The following NKIRAS1 variants were observed in gnomAD, a reference collection of about 807,000 sequenced individuals.
The protein encoded by NKIRAS1 is NFKB inhibitor interacting Ras like 1, also known as NF-kappa-B inhibitor-interacting Ras-like protein 1.
Under a neutral mutation model 19.8 loss-of-function variants are expected in NKIRAS1, and 16 were observed. That is an observed-to-expected ratio of 0.81 (90% CI 0.55 to 1.23). The LOEUF (loss-of-function observed/expected upper bound fraction) is 1.23, where lower values mean the gene tolerates loss of function less well. NKIRAS1 is among the 50% of genes most tolerant of loss of function. NKIRAS1 has a pLI of 0.00. For missense variants in NKIRAS1, 184 were observed against 220.0 expected, an observed-to-expected ratio of 0.84 and a Z score of 1.04; for synonymous variants, 88 against 79.0, an observed-to-expected ratio of 1.11 and a Z score of -0.61.
At chr3:23,905,678 AG>A (rs1429867900) in intron 3 of NKIRAS1, among the ~76,000 whole-genome samples, 1 of 152,134 alleles carries the variant, frequency 6.6e-6, no homozygotes, top group African/African-American at 2.4e-5. Context: ...TCAATTCGGA[AG>A]CCCCAGGGTC....
intron 3 of NKIRAS1, among the ~76,000 whole-genome samples, chr3:23,903,217 G>A (rs1163360572): frequency 2.0e-5 from 3 of 152,130 alleles, no homozygotes; most frequent in Admixed American, 1.3e-4. Flanking sequence ...GGGCTCAAGC[G>A]ATCCTCCCAC....
intron 1 of NKIRAS1, among the ~76,000 whole-genome samples, chr3:23,912,927 G>T (rs1365230052): frequency 2.0e-5 from 3 of 151,068 alleles, no homozygotes; most frequent in Non-Finnish European, 4.4e-5. Flanking sequence ...GACCATCCTG[G>T]CTAACATGGT....
chr3:23,890,677 A>C lies in NKIRAS1; in HGVS notation c.*2418T>G. ...AGCTGCTTATGATTTTGAAGGGGTC[A>C]GGGAGGGTGGGAGTTGGTAAAGAGT... On this transcript the variant is annotated 3_prime_UTR_variant, in exon 5 of 5. Coordinates refer to ENST00000425478, the MANE Select transcript of NKIRAS1 (RefSeq NM_020345.4). The C allele has an allele frequency of 1.5e-6, 1 of 648,472 alleles. No homozygotes were observed. The highest frequency in any genetic ancestry group is 2.6e-6 in the Non-Finnish European group (1 of 386,374). 40.2% of individuals were successfully genotyped at this position (648,472 alleles called of 1,614,324 possible).
chr3:23,914,659 G>T (rs1382826338), intron 1 of NKIRAS1, among the ~76,000 whole-genome samples: 1 of 152,080 alleles, frequency 6.6e-6, no homozygotes, highest in Non-Finnish European at 1.5e-5. Flanking sequence ...GACAAACTAG[G>T]GGGCAAAAAC....
chr3:23,894,201 G>A (rs903990738), intron 4 of NKIRAS1, among the ~76,000 whole-genome samples: 5 of 152,188 alleles, frequency 3.3e-5, no homozygotes, highest in South Asian at 4.1e-4. Context: ...GTCAAAGCTC[G>A]GGGAGGAGAA....
chr3:23,935,227 C>G (rs1032403098), intron 1 of NKIRAS1, among the ~76,000 whole-genome samples: 1 of 151,378 alleles, frequency 6.6e-6, no homozygotes, highest in Non-Finnish European at 1.5e-5. Flanking sequence ...AAAACCCTGA[C>G]AATGGCTAAA....
chr3:23,893,686 AC>A (rs1266417566), intron 4 of NKIRAS1, among the ~76,000 whole-genome samples: 1 of 151,442 alleles, frequency 6.6e-6, no homozygotes. Context: ...GTGCGCCTGT[AC>A]TTGGGAGGCT....
At chr3:23,904,616 C>T (rs1559504201) in intron 3 of NKIRAS1, among the ~76,000 whole-genome samples, 1 of 150,970 alleles carries the variant, frequency 6.6e-6, no homozygotes, top group Non-Finnish European at 1.5e-5. Flanking sequence ...GGAGGAGACA[C>T]TATCCTTCAA....
At chr3:23,929,844 A>G (rs1424527129) in intron 1 of NKIRAS1, among the ~76,000 whole-genome samples, 1 of 152,170 alleles carries the variant, frequency 6.6e-6, no homozygotes, top group African/African-American at 2.4e-5. Context: ...GAAATTTGGA[A>G]AATCTAGACA....
At chr3:23,899,266 C>T (rs1330172461) in intron 4 of NKIRAS1, among the ~76,000 whole-genome samples, 1 of 152,150 alleles carries the variant, frequency 6.6e-6, no homozygotes, top group African/African-American at 2.4e-5. Flanking sequence ...TGAATCAACA[C>T]AAATACGGTG....
chr3:23,912,219 T>C (rs1281511676), intron 1 of NKIRAS1, among the ~76,000 whole-genome samples: 3 of 152,170 alleles, frequency 2.0e-5, no homozygotes, highest in Non-Finnish European at 4.4e-5. Context: ...AAAGAGCTTC[T>C]GCACAGCAAA....
chr3:23,912,604 T>C (rs1235495670), intron 1 of NKIRAS1, among the ~76,000 whole-genome samples: 3 of 152,156 alleles, frequency 2.0e-5, no homozygotes, highest in Non-Finnish European at 4.4e-5. Flanking sequence ...GACTGCAAAC[T>C]AGCTCAGCCA....
chr3:23,909,458 C>T (rs1198384803), intron 3 of NKIRAS1, among the ~76,000 whole-genome samples: 9 of 152,080 alleles, frequency 5.9e-5, no homozygotes, highest in Admixed American at 5.9e-4. Context: ...ACCTGGGAGG[C>T]GGAAGTTGCA....
chr3:23,913,018 G>C (rs113574816), intron 1 of NKIRAS1, among the ~76,000 whole-genome samples: 1 of 136,990 alleles, frequency 7.3e-6, no homozygotes, highest in Non-Finnish European at 1.5e-5. Flanking sequence ...TCCAGCCTGG[G>C]TGACAGAGTG....
rs1156926321 is a variant in NKIRAS1, at chr3:23,909,870, T to TG, written c.94+940_94+941insC. Among the ~76,000 whole-genome samples, 40 of 150,746 alleles carry TG rather than the reference T, an allele frequency of 2.7e-4. No individual in the cohort carries two copies. In the South Asian group the frequency reaches 4.8e-3, roughly 18 times the overall value. On this transcript the variant is annotated intron_variant, in intron 3 of 4. Coordinates refer to ENST00000425478, the MANE Select transcript of NKIRAS1 (RefSeq NM_020345.4). Reference sequence around the variant, plus strand: ...GTTGTTTTTGTTTTTTTTTGTTTTTTTTTTTTTGAGATGGAGTCTCGCTCT... The same window carrying TG: ...GTTGTTTTTGTTTTTTTTTGTTTTTTGTTTTTTTGAGATGGAGTCTCGCTCT...
chr3:23,945,847 C>T (rs1260560951), intron 1 of NKIRAS1, among the ~76,000 whole-genome samples: 2 of 150,726 alleles, frequency 1.3e-5, no homozygotes, highest in African/African-American at 2.4e-5. Context: ...CATGGCCCGG[C>T]CGCGCGAGCC....
At chr3:23,920,887 G>A (rs976659548), upstream of NKIRAS1, 3 of 579,336 alleles carry the variant, frequency 5.2e-6, no homozygotes, top group Non-Finnish European at 6.5e-6. Flanking sequence ...CAGTGCTAAT[G>A]TACTTTAAAG....
At chr3:23,946,388 G>T (rs1373280291) in exon 1 of NKIRAS1, 28 of 754,954 alleles carry the variant, frequency 3.7e-5, no homozygotes, top group Non-Finnish European at 4.5e-5. Context: ...GCGCCTCGGG[G>T]AAGGCGTGGG....
intron 4 of NKIRAS1, among the ~76,000 whole-genome samples, chr3:23,899,542 G>T (rs955262868): frequency 2.6e-5 from 4 of 152,090 alleles, no homozygotes; most frequent in Non-Finnish European, 5.9e-5. Context: ...TGAAGAGTCC[G>T]CCACGTGAAG....
Sources: gnomAD v4.1 joint callset for allele counts (sites outside exome capture counted in the v4.1 genomes callset) on GRCh38, gnomAD v4.1.1 for gene constraint, MANE v1.5 for transcripts, NCBI Gene and HGNC (gene_info 2026-07-23, HGNC 2026-07-21) for gene names.